The following POFUT3 variants were observed in gnomAD, a reference collection of about 807,000 sequenced individuals.
POFUT3 encodes the protein GDP-fucose protein O-fucosyltransferase 3.
At chr8:33,322,282 T>G in the POFUT3 span, among the ~76,000 whole-genome samples, 1 of 152,034 alleles carries the variant, frequency 6.6e-6, no homozygotes, top group Non-Finnish European at 1.5e-5. Flanking sequence ...GAGGAGAGAT[T>G]AACATGTGTA....
At chr8:33,465,405 T>TATATAC in the POFUT3 span, among the ~76,000 whole-genome samples, 2,921 of 139,586 alleles carry the variant, frequency 0.021, 48 homozygotes, top group East Asian at 0.081. Context: ...TATATATATA[T>TATATAC]ACACACATAC....
the POFUT3 span, among the ~76,000 whole-genome samples, chr8:33,426,671 A>T: frequency 6.6e-6 from 1 of 152,236 alleles, no homozygotes; most frequent in African/African-American, 2.4e-5. Flanking sequence ...CACTCTAAGT[A>T]AAAATGGCTG....
chr8:33,384,662 A>G, the POFUT3 span, among the ~76,000 whole-genome samples: 8 of 152,108 alleles, frequency 5.3e-5, no homozygotes, highest in African/African-American at 1.9e-4. Context: ...TCTACTAAAA[A>G]TATAAAAAAT....
the POFUT3 span, among the ~76,000 whole-genome samples, chr8:33,466,665 G>A: frequency 2.4e-4 from 37 of 152,268 alleles, no homozygotes; most frequent in African/African-American, 8.4e-4. Flanking sequence ...TTACCCAGGA[G>A]CCTGACATCA....
chr8:33,404,261 C>A, the POFUT3 span, among the ~76,000 whole-genome samples: 1 of 151,548 alleles, frequency 6.6e-6, no homozygotes, highest in African/African-American at 2.4e-5. Context: ...TCACTTGAAC[C>A]CGGGAAGCGG....
the POFUT3 span, chr8:33,436,282 C>T: frequency 7.4e-7 from 1 of 1,350,140 alleles, no homozygotes; most frequent in South Asian, 1.2e-5. Context: ...ACACACATCC[C>T]ACTGTGAAAC....
At chr8:33,470,046 G>A in the POFUT3 span, among the ~76,000 whole-genome samples, 1 of 151,354 alleles carries the variant, frequency 6.6e-6, no homozygotes, top group South Asian at 2.1e-4. Flanking sequence ...ACCTGCCTCG[G>A]CCTCCCAAAG....
the POFUT3 span, among the ~76,000 whole-genome samples, chr8:33,468,065 C>T: frequency 2.0e-5 from 3 of 151,912 alleles, no homozygotes; most frequent in Non-Finnish European, 4.4e-5. Flanking sequence ...CACAGTGAAA[C>T]CTCATCTCTA....
chr8:33,442,852 T>C, the POFUT3 span, among the ~76,000 whole-genome samples: 1 of 152,184 alleles, frequency 6.6e-6, no homozygotes, highest in African/African-American at 2.4e-5. Flanking sequence ...CAGCTAAAAA[T>C]GTAAGTTCAT....
the POFUT3 span, among the ~76,000 whole-genome samples, chr8:33,430,054 T>G: frequency 5.2e-4 from 78 of 151,156 alleles, 1 homozygote; most frequent in Non-Finnish European, 9.4e-4. Flanking sequence ...AACTTTCCCA[T>G]GTGCCAAAAC....
At chr8:33,364,201 G>A in the POFUT3 span, among the ~76,000 whole-genome samples, 1 of 151,978 alleles carries the variant, frequency 6.6e-6, no homozygotes, top group Non-Finnish European at 1.5e-5. Context: ...TGCAGAAAAG[G>A]CCTTTGACAA....
chr8:33,449,538 C>T, the POFUT3 span, among the ~76,000 whole-genome samples: 2 of 152,004 alleles, frequency 1.3e-5, no homozygotes, highest in Non-Finnish European at 2.9e-5. Flanking sequence ...GATCTGCCCA[C>T]CCCAGCCTTG....
chr8:33,352,632 G>C, the POFUT3 span, among the ~76,000 whole-genome samples: 1 of 152,138 alleles, frequency 6.6e-6, no homozygotes, highest in Admixed American at 6.5e-5. Context: ...ATCTAGGGGA[G>C]AGGAAATAGA....
the POFUT3 span, chr8:33,372,075 T>C: frequency 3.7e-6 from 3 of 817,842 alleles, no homozygotes; most frequent in Non-Finnish European, 4.4e-6. Context: ...GAGTGGATAG[T>C]GGATAAACTT....
chr8:33,436,683 G>C, the POFUT3 span: 5 of 795,042 alleles, frequency 6.3e-6, no homozygotes, highest in South Asian at 7.5e-5. Context: ...GCACGTTTCC[G>C]ATGAACAGCT....
the POFUT3 span, among the ~76,000 whole-genome samples, chr8:33,431,150 A>C: frequency 6.6e-6 from 1 of 152,246 alleles, no homozygotes; most frequent in East Asian, 1.9e-4. Flanking sequence ...TCTTATTCTA[A>C]GCAGAGACCA....
chr8:33,316,766 C>G, the POFUT3 span, among the ~76,000 whole-genome samples: 1 of 150,200 alleles, frequency 6.7e-6, no homozygotes, highest in Admixed American at 6.6e-5. Context: ...AGGAAAGGAA[C>G]AGCAAAAATT....
chr8:33,414,773 C>G, the POFUT3 span, among the ~76,000 whole-genome samples: 2 of 152,082 alleles, frequency 1.3e-5, no homozygotes, highest in Non-Finnish European at 2.9e-5. Context: ...CCAAACAACA[C>G]ACTGCCTTAT....
the POFUT3 span, among the ~76,000 whole-genome samples, chr8:33,310,681 A>G: frequency 7.4e-4 from 103 of 138,918 alleles, no homozygotes; most frequent in Admixed American, 1.7e-3. Flanking sequence ...ACAGAGCAAG[A>G]CTCCATCTCA....
Sources: allele counts gnomAD v4.1 joint callset (sites outside exome capture counted in the v4.1 genomes callset), GRCh38; gene constraint gnomAD v4.1.1; transcripts MANE v1.5; gene names NCBI Gene and HGNC (gene_info 2026-07-23, HGNC 2026-07-21).